Variants in NTNG1 observed in about 807,000 individuals in gnomAD.
NTNG1 encodes netrin G1, also known as netrin-G1.
Under a neutral mutation model 54.0 loss-of-function variants are expected in NTNG1, and 16 were observed. That is an observed-to-expected ratio of 0.30 (90% CI 0.20 to 0.45). The LOEUF (loss-of-function observed/expected upper bound fraction) is 0.45, where lower values mean the gene tolerates loss of function less well. Among genes scored for constraint, NTNG1 ranks in the 20% least tolerant of loss-of-function variants. The pLI is 1.00. For synonymous variants in NTNG1, 255 were observed against 263.1 expected, an observed-to-expected ratio of 0.97 and a Z score of 0.30; for missense variants, 530 against 678.7, an observed-to-expected ratio of 0.78 and a Z score of 2.43.
chr1:107,174,079 T>C (rs1656460905), intron 2 of NTNG1, among the ~76,000 whole-genome samples: 1 of 152,168 alleles, frequency 6.6e-6, no homozygotes, highest in Admixed American at 6.6e-5. Flanking sequence ...TCTAAACAAA[T>C]GGAAATTATC....
chr1:107,454,776 A>G (rs1676834807), intron 7 of NTNG1, among the ~76,000 whole-genome samples: 1 of 152,238 alleles, frequency 6.6e-6, no homozygotes, highest in African/African-American at 2.4e-5. Flanking sequence ...GCATCATTTT[A>G]TCTGATCTTT....
At chr1:107,170,393 T>TAG (rs1247993518) in intron 2 of NTNG1, among the ~76,000 whole-genome samples, 3 of 152,278 alleles carry the variant, frequency 2.0e-5, no homozygotes, top group African/African-American at 7.2e-5. Flanking sequence ...ATCTATTATT[T>TAG]TATTTATCTT....
chr1:107,213,215 A>G (rs1476459694), intron 2 of NTNG1, among the ~76,000 whole-genome samples: 1 of 151,850 alleles, frequency 6.6e-6, no homozygotes, highest in Non-Finnish European at 1.5e-5. Flanking sequence ...AATTGATCTG[A>G]TTTTGCACAA....
At chr1:107,453,130 T>C (rs1347215311) in intron 7 of NTNG1, among the ~76,000 whole-genome samples, 1 of 152,246 alleles carries the variant, frequency 6.6e-6, no homozygotes, top group East Asian at 1.9e-4. Flanking sequence ...TGGTCAGCAT[T>C]AATCCTTTGT....
chr1:107,256,382 A>G (rs1433582842), intron 2 of NTNG1, among the ~76,000 whole-genome samples: 1 of 152,200 alleles, frequency 6.6e-6, no homozygotes, highest in Non-Finnish European at 1.5e-5. Context: ...GAGTAAATGT[A>G]TTTATGCACT....
chr1:107,429,174 C>T (rs1468051595), intron 5 of NTNG1, among the ~76,000 whole-genome samples: 1 of 152,058 alleles, frequency 6.6e-6, no homozygotes, highest in Non-Finnish European at 1.5e-5. Flanking sequence ...AACTGGGGTC[C>T]CGAAGTTGCT....
chr1:107,184,732 G>A (rs1200676625), intron 2 of NTNG1, among the ~76,000 whole-genome samples: 1 of 152,132 alleles, frequency 6.6e-6, no homozygotes, highest in Admixed American at 6.6e-5. Flanking sequence ...AAAAAGGCAG[G>A]TTCTTAAATC....
chr1:107,425,156 G>A (rs1674812634), intron 5 of NTNG1, among the ~76,000 whole-genome samples: 1 of 151,324 alleles, frequency 6.6e-6, no homozygotes, highest in Admixed American at 6.6e-5. Flanking sequence ...TAGCTACTGG[G>A]ATATGAGCAT....
At chr1:107,378,753 TA>T (rs1337718163) in intron 3 of NTNG1, among the ~76,000 whole-genome samples, 4 of 152,126 alleles carry the variant, frequency 2.6e-5, no homozygotes, top group African/African-American at 9.7e-5. Flanking sequence ...CTTAAATCCC[TA>T]GAGCCACCCT....
intron 2 of NTNG1, among the ~76,000 whole-genome samples, chr1:107,251,341 C>T (rs910713419): frequency 2.4e-4 from 36 of 152,188 alleles, no homozygotes; most frequent in Admixed American, 1.8e-3. Flanking sequence ...TTATCTCCCC[C>T]TCACATACAA....
At chr1:107,319,744 G>A (rs753087512) in intron 2 of NTNG1, among the ~76,000 whole-genome samples, 11 of 151,968 alleles carry the variant, frequency 7.2e-5, no homozygotes, top group East Asian at 1.9e-4. Context: ...CAAATCTCGC[G>A]TAAGAATTCT....
intron 3 of NTNG1, among the ~76,000 whole-genome samples, chr1:107,339,546 A>G (rs1668782813): frequency 1.3e-5 from 2 of 152,118 alleles, no homozygotes. Context: ...TGTTAATACC[A>G]TGCAGACATT....
chr1:107,161,921 T>A (rs1655435288), intron 2 of NTNG1, among the ~76,000 whole-genome samples: 1 of 148,496 alleles, frequency 6.7e-6, no homozygotes. Context: ...TGGATTTTTT[T>A]AATGTTACCA....
At chr1:107,197,472 A>G (rs943355909) in intron 2 of NTNG1, among the ~76,000 whole-genome samples, 2 of 152,048 alleles carry the variant, frequency 1.3e-5, no homozygotes, top group Non-Finnish European at 2.9e-5. Flanking sequence ...GAAGTTCTGC[A>G]TATTATATAA....
intron 3 of NTNG1, among the ~76,000 whole-genome samples, chr1:107,382,047 AT>A (rs1370585660): frequency 6.6e-6 from 1 of 151,948 alleles, no homozygotes; most frequent in African/African-American, 2.4e-5. Flanking sequence ...TGAACCAACC[AT>A]TGTGTCAGGA....
At chr1:107,403,435 C>T (rs1179957727) in intron 4 of NTNG1, among the ~76,000 whole-genome samples, 4 of 152,040 alleles carry the variant, frequency 2.6e-5, no homozygotes, top group South Asian at 2.1e-4. Context: ...TGGGGCTGAG[C>T]GTGGTGGCTT....
chr1:107,368,206 T>G (rs1670714414), intron 3 of NTNG1, among the ~76,000 whole-genome samples: 1 of 152,172 alleles, frequency 6.6e-6, no homozygotes, highest in Non-Finnish European at 1.5e-5. Context: ...TTAGGTCTCC[T>G]GTCTTCCTTC....
At position 107,354,239 on chromosome 1, in the gene NTNG1, A is replaced by G. The variant is rs1430098864; in HGVS notation, c.887+29317A>G. ...TAATCCCAGCACTTTGGGAGGCTGA[A>G]GCGGGCAGATCATGAGGTCAAGAGT... On this transcript the variant is annotated intron_variant, in intron 3 of 7. Coordinates refer to ENST00000370068, the MANE Select transcript of NTNG1 (RefSeq NM_001113226.3). Among the ~76,000 whole-genome samples, 68 of 152,036 alleles carry G rather than the reference A, an allele frequency of 4.5e-4. 2 individuals carry two copies. In the East Asian group the frequency reaches 0.011, roughly 26 times the overall value.
intron 7 of NTNG1, among the ~76,000 whole-genome samples, chr1:107,445,197 G>A (rs571507952): frequency 1.3e-5 from 2 of 152,212 alleles, no homozygotes; most frequent in South Asian, 4.1e-4. Context: ...GAGGTGAAAG[G>A]AAGCCTTAGA....
Sources: allele counts gnomAD v4.1 joint callset (sites outside exome capture counted in the v4.1 genomes callset), GRCh38; gene constraint gnomAD v4.1.1; transcripts MANE v1.5; gene names NCBI Gene and HGNC (gene_info 2026-07-23, HGNC 2026-07-21).